CTNNA3: variants seen among roughly 807,000 people sequenced by gnomAD.
CTNNA3 encodes catenin alpha 3.
In CTNNA3, 76 loss-of-function variants were observed where a neutral mutation model predicts 95.7. The observed-to-expected ratio is 0.79, with a 90% CI of 0.66 to 0.96. The LOEUF (loss-of-function observed/expected upper bound fraction) is 0.96. Among genes scored for constraint, CTNNA3 ranks in the 40% least tolerant of loss-of-function variants. The pLI is 0.00. For missense variants in CTNNA3, 1,191 were observed against 1,089.8 expected (o/e 1.09, Z -1.31); for synonymous variants, 431 against 374.4 (o/e 1.15, Z -1.74).
chr10:66,806,628 T>C (rs1282416414), intron 7 of CTNNA3, among the ~76,000 whole-genome samples: 2 of 151,968 alleles, frequency 1.3e-5, no homozygotes, highest in African/African-American at 4.8e-5. Context: ...CAGGATTCCA[T>C]ACGCAGATAT....
At chr10:66,685,095 A>G (rs1212995528) in intron 9 of CTNNA3, among the ~76,000 whole-genome samples, 2 of 149,784 alleles carry the variant, frequency 1.3e-5, no homozygotes, top group East Asian at 3.9e-4. Context: ...TGAATAATAG[A>G]AAATATTCAG....
chr10:66,630,627 T>C (rs1845099600), intron 9 of CTNNA3, among the ~76,000 whole-genome samples: 1 of 152,130 alleles, frequency 6.6e-6, no homozygotes, highest in Non-Finnish European at 1.5e-5. Context: ...TATTTCAGAA[T>C]GTAATATATG....
chr10:67,045,137 A>ATTAT (rs1349268135), intron 7 of CTNNA3, among the ~76,000 whole-genome samples: 1 of 152,266 alleles, frequency 6.6e-6, no homozygotes, highest in Non-Finnish European at 1.5e-5. Flanking sequence ...GCTTACATAC[A>ATTAT]GTAAATGCTG....
intron 7 of CTNNA3, among the ~76,000 whole-genome samples, chr10:67,120,380 A>T (rs1179112122): frequency 1.3e-5 from 2 of 151,948 alleles, no homozygotes; most frequent in Non-Finnish European, 2.9e-5. Flanking sequence ...AGCAAGATAT[A>T]TATATTGATT....
chr10:66,815,280 A>G (rs891951772), intron 7 of CTNNA3, among the ~76,000 whole-genome samples: 2 of 152,126 alleles, frequency 1.3e-5, no homozygotes, highest in Non-Finnish European at 2.9e-5. Context: ...CAGTAAGAAC[A>G]GCAAATTTTA....
At chr10:66,509,753 T>C (rs1840590156) in intron 11 of CTNNA3, among the ~76,000 whole-genome samples, 1 of 152,000 alleles carries the variant, frequency 6.6e-6, no homozygotes, top group Non-Finnish European at 1.5e-5. Context: ...CATACCATGT[T>C]GTTTTTGTTT....
chr10:66,830,599 T>TTC (rs1010583665), intron 7 of CTNNA3, among the ~76,000 whole-genome samples: 6 of 82,966 alleles, frequency 7.2e-5, no homozygotes, highest in Admixed American at 1.4e-4. Context: ...AACTACTAAT[T>TTC]TCTCTTTTTT....
chr10:66,668,649 T>G (rs1846547909), intron 9 of CTNNA3, among the ~76,000 whole-genome samples: 1 of 151,858 alleles, frequency 6.6e-6, no homozygotes, highest in South Asian at 2.1e-4. Context: ...CCGTCTCTAC[T>G]AATAACACAA....
At chr10:67,476,966 A>C (rs534980143) in intron 5 of CTNNA3, among the ~76,000 whole-genome samples, 1 of 151,836 alleles carries the variant, frequency 6.6e-6, no homozygotes, top group South Asian at 2.1e-4. Context: ...TGCTGTGCAG[A>C]GATTATGATG....
intron 5 of CTNNA3, among the ~76,000 whole-genome samples, chr10:67,500,973 T>C (rs565077830): frequency 6.6e-6 from 1 of 152,348 alleles, no homozygotes; most frequent in Admixed American, 6.5e-5. Context: ...CACTTAAGGT[T>C]AATATTGTTA....
chr10:66,067,689 G>A lies in CTNNA3; in HGVS notation c.2159+1619C>T, dbSNP rs564997174. 7.9e-5 allele frequency among the ~76,000 whole-genome samples: 12 copies of A among 152,112 alleles called. No individual in the cohort carries two copies. The South Asian group carries it at 2.1e-3, about 26-fold the overall frequency. On this transcript the variant is annotated intron_variant, in intron 15 of 17. Coordinates refer to ENST00000433211, the MANE Select transcript of CTNNA3 (RefSeq NM_013266.4). ...TCCCAGCACTTTGGGAGGCTGAGGC[G>A]GGCGGATCACGAGGTCAGGAGTTTG...
chr10:67,507,954 C>A (rs995942122), intron 5 of CTNNA3, among the ~76,000 whole-genome samples: 1 of 152,148 alleles, frequency 6.6e-6, no homozygotes, highest in African/African-American at 2.4e-5. Context: ...ATTCAACATG[C>A]TTTCATGATA....
chr10:66,381,890 G>A (rs2456754), intron 11 of CTNNA3, among the ~76,000 whole-genome samples: 97,294 of 151,924 alleles, frequency 0.64, 32,684 homozygotes, highest in East Asian at 0.88. Flanking sequence ...AGAAGGTATA[G>A]TAATCATCAA....
At chr10:66,398,898 A>G (rs907408733) in intron 11 of CTNNA3, among the ~76,000 whole-genome samples, 3 of 152,038 alleles carry the variant, frequency 2.0e-5, no homozygotes, top group African/African-American at 7.2e-5. Flanking sequence ...CTGGAAGGCC[A>G]TTCCTTGCAT....
At chr10:67,661,287 G>C (rs12245400) in intron 1 of CTNNA3, among the ~76,000 whole-genome samples, 4 of 148,106 alleles carry the variant, frequency 2.7e-5, no homozygotes, top group Non-Finnish European at 5.9e-5. Flanking sequence ...AGAGAAAAAG[G>C]AGGGAGGGAG....
chr10:67,397,038 G>A (rs1844731665), intron 5 of CTNNA3, among the ~76,000 whole-genome samples: 1 of 152,136 alleles, frequency 6.6e-6, no homozygotes, highest in Non-Finnish European at 1.5e-5. Flanking sequence ...TTACCAGCAT[G>A]AGAATGGACT....
At chr10:66,086,640 T>G (rs1275687933) in intron 14 of CTNNA3, among the ~76,000 whole-genome samples, 1 of 152,106 alleles carries the variant, frequency 6.6e-6, no homozygotes, top group Non-Finnish European at 1.5e-5. Flanking sequence ...TCACTATTCT[T>G]TTCTTAAAAA....
intron 5 of CTNNA3, among the ~76,000 whole-genome samples, chr10:67,273,191 A>G (rs1839055541): frequency 6.6e-6 from 1 of 152,182 alleles, no homozygotes; most frequent in Non-Finnish European, 1.5e-5. Context: ...TTTGTGAGAA[A>G]TGACTAAAAC....
At chr10:67,346,482 G>A (rs141127989) in intron 5 of CTNNA3, among the ~76,000 whole-genome samples, 36 of 152,076 alleles carry the variant, frequency 2.4e-4, no homozygotes, top group African/African-American at 4.3e-4. Context: ...CATCTTTGAC[G>A]GATGTTTTCA....
Sources: gnomAD v4.1 joint callset for allele counts (sites outside exome capture counted in the v4.1 genomes callset) on GRCh38, gnomAD v4.1.1 for gene constraint, MANE v1.5 for transcripts, NCBI Gene and HGNC (gene_info 2026-07-23, HGNC 2026-07-21) for gene names.